PCSK2: variants seen among roughly 807,000 people sequenced by gnomAD.
PCSK2 encodes neuroendocrine convertase 2.
In PCSK2, 14 loss-of-function variants were observed where a neutral mutation model predicts 69.7. The ratio of observed to expected loss-of-function variants is 0.20; its 90% CI spans 0.13 to 0.31. The LOEUF (loss-of-function observed/expected upper bound fraction) is 0.31, where lower values mean the gene tolerates loss of function less well. PCSK2 is among the 10% of genes least tolerant of loss of function. PCSK2 has a pLI of 1.00. For missense variants in PCSK2, 544 were observed against 842.5 expected (o/e 0.65, Z 4.39); for synonymous variants, 307 against 320.7 (o/e 0.96, Z 0.46).
chr20:17,268,080 T>C (rs1315193713), intron 2 of PCSK2, among the ~76,000 whole-genome samples: 1 of 140,314 alleles, frequency 7.1e-6, no homozygotes, highest in African/African-American at 2.6e-5. Context: ...TTATATAGCC[T>C]CTATTATATC....
intron 5 of PCSK2, among the ~76,000 whole-genome samples, chr20:17,375,161 A>G (rs943835413): frequency 6.6e-6 from 1 of 152,158 alleles, no homozygotes; most frequent in African/African-American, 2.4e-5. Flanking sequence ...TCTGTCTCAG[A>G]AGAGTTGAGG....
At chr20:17,226,976 T>C (rs1985934267), upstream of PCSK2, 2 of 174,636 alleles carry the variant, frequency 1.1e-5, no homozygotes, top group Non-Finnish European at 2.4e-5. Context: ...CCCCAGCCCC[T>C]AGGGAATTGG....
chr20:17,300,512 A>C (rs1989044921), intron 2 of PCSK2, among the ~76,000 whole-genome samples: 1 of 152,230 alleles, frequency 6.6e-6, no homozygotes, highest in Non-Finnish European at 1.5e-5. Context: ...GCCCAAGTAT[A>C]GGTTTCAGTT....
chr20:17,238,111 G>T (rs1986413008), intron 1 of PCSK2, among the ~76,000 whole-genome samples: 2 of 152,158 alleles, frequency 1.3e-5, no homozygotes, highest in Admixed American at 6.5e-5. Context: ...AAGTAAACAT[G>T]TCTGCTACAG....
At chr20:17,263,142 A>G in intron 2 of PCSK2, 4 of 985,140 alleles carry the variant, frequency 4.1e-6, no homozygotes, top group Non-Finnish European at 4.8e-6. Context: ...AAAAAGAAAA[A>G]GGTAGAAACC....
chr20:17,233,085 C>A (rs189319267), intron 1 of PCSK2, among the ~76,000 whole-genome samples: 10 of 152,212 alleles, frequency 6.6e-5, no homozygotes, highest in Admixed American at 3.9e-4. Flanking sequence ...CCAGTCATAG[C>A]CATCAGAACG....
chr20:17,412,827 G>C (rs1263721877), intron 6 of PCSK2, among the ~76,000 whole-genome samples: 3 of 152,204 alleles, frequency 2.0e-5, no homozygotes, highest in Non-Finnish European at 4.4e-5. Flanking sequence ...ACTAACAGCA[G>C]ATCTCTCAGC....
intron 8 of PCSK2, among the ~76,000 whole-genome samples, chr20:17,449,526 G>GTATATATA: frequency 0.11 from 14,551 of 130,638 alleles, 1,013 homozygotes; most frequent in East Asian, 0.2. Flanking sequence ...ATGTATGTAT[G>GTATATATA]TATATATATA....
At chr20:17,314,189 A>G (rs1445825576) in intron 2 of PCSK2, among the ~76,000 whole-genome samples, 1 of 152,232 alleles carries the variant, frequency 6.6e-6, no homozygotes, top group African/African-American at 2.4e-5. Flanking sequence ...CTCACTGGAT[A>G]AATGGACCTA....
intron 1 of PCSK2, among the ~76,000 whole-genome samples, chr20:17,254,573 A>G (rs1987110000): frequency 6.6e-6 from 1 of 152,202 alleles, no homozygotes; most frequent in African/African-American, 2.4e-5. Flanking sequence ...TGTCTCTCCT[A>G]TGCCAGTACC....
intron 4 of PCSK2, among the ~76,000 whole-genome samples, chr20:17,368,341 A>G (rs2030660809): frequency 6.6e-6 from 1 of 152,174 alleles, no homozygotes; most frequent in African/African-American, 2.4e-5. Context: ...GAAAATTATC[A>G]CAGAGTCCAA....
chr20:17,248,174 G>GC (rs1170938537), intron 1 of PCSK2, among the ~76,000 whole-genome samples: 1 of 83,234 alleles, frequency 1.2e-5, no homozygotes, highest in South Asian at 5.7e-4. Context: ...ATATAAAAAA[G>GC]GGTGTGTGTG....
rs564861870 is a variant in PCSK2, at chr20:17,482,036, A to G, written c.1883A>G (p.Glu628Gly). Residue 628 changes from glutamate to glycine, a missense_variant, in exon 12 of 12, where the codon GAG becomes GGG. Coordinates refer to ENST00000262545, the MANE Select transcript of PCSK2 (RefSeq NM_002594.5). ...GAGGAAGAGCTGGACGAAGCCGTGG[A>G]GAGAAGCCTGAAAAGCATCCTTAAC... The part of the protein sequence containing the change: ...ELEEELDEAV[E>G]RSLKSILNKN 22 of 1,604,200 alleles carry G rather than the reference A, an allele frequency of 1.4e-5. No individual in the cohort carries two copies. The South Asian group carries it at 2.3e-4, about 17-fold the overall frequency.
chr20:17,360,087 A>G (rs147490116), intron 3 of PCSK2, among the ~76,000 whole-genome samples: 1 of 152,254 alleles, frequency 6.6e-6, no homozygotes, highest in Non-Finnish European at 1.5e-5. Context: ...CCTGCAAAAG[A>G]TATTGTTATT....
intron 6 of PCSK2, among the ~76,000 whole-genome samples, chr20:17,420,479 G>A (rs1204621034): frequency 6.6e-6 from 1 of 152,130 alleles, no homozygotes; most frequent in African/African-American, 2.4e-5. Context: ...AAATCCAACA[G>A]CATTTAATTT....
At chr20:17,403,795 G>C (rs1268738551) in intron 5 of PCSK2, among the ~76,000 whole-genome samples, 2 of 152,224 alleles carry the variant, frequency 1.3e-5, no homozygotes, top group South Asian at 4.1e-4. Flanking sequence ...TGTTATTTAA[G>C]ATGTTATTCA....
chr20:17,331,012 TA>T (rs1990191936), intron 2 of PCSK2, among the ~76,000 whole-genome samples: 1 of 152,226 alleles, frequency 6.6e-6, no homozygotes, highest in Non-Finnish European at 1.5e-5. Flanking sequence ...CTTCCCAGGT[TA>T]CAAGGGAAGC....
intron 4 of PCSK2, among the ~76,000 whole-genome samples, chr20:17,362,593 G>A (rs1228740903): frequency 6.6e-6 from 1 of 152,150 alleles, no homozygotes; most frequent in East Asian, 1.9e-4. Flanking sequence ...CTCCAGCAAG[G>A]TAGATGGATT....
At chr20:17,273,183 T>G (rs549450999) in intron 2 of PCSK2, among the ~76,000 whole-genome samples, 5 of 152,280 alleles carry the variant, frequency 3.3e-5, no homozygotes, top group African/African-American at 1.2e-4. Flanking sequence ...ATCTCAGACA[T>G]AGATTAATTC....
Sources: allele counts gnomAD v4.1 joint callset (sites outside exome capture counted in the v4.1 genomes callset), GRCh38; gene constraint gnomAD v4.1.1; transcripts MANE v1.5; gene names NCBI Gene and HGNC (gene_info 2026-07-23, HGNC 2026-07-21).